Variants in SPAG17 observed in about 807,000 individuals in gnomAD.
The protein encoded by SPAG17 is sperm-associated antigen 17.
SPAG17 carries 169 observed loss-of-function variants against 273.6 expected under a neutral mutation model. The observed-to-expected ratio is 0.62, with a 90% CI of 0.55 to 0.70. The LOEUF is 0.70. Ranked by LOEUF, SPAG17 falls within the 30% of genes least tolerant of loss-of-function variation. The probability of loss-of-function intolerance (pLI) is 0.00; values close to 1 mark genes in which losing one functional copy is unlikely to be tolerated. For synonymous variants in SPAG17, 825 were observed against 873.2 expected, an observed-to-expected ratio of 0.94 and a Z score of 0.97; for missense variants, 2,557 against 2,627.8, an observed-to-expected ratio of 0.97 and a Z score of 0.59.
In SPAG17 at chr1:118,016,145, C is replaced by T. The variant is rs1659954065; in HGVS notation, c.4107G>A (p.Lys1369=). 1 of 1,613,904 alleles carries T rather than the reference C, an allele frequency of 6.2e-7. No individual in the cohort carries two copies. Among genetic ancestry groups the T allele is most frequent in the East Asian group, 2.2e-5 (1 of 44,874 alleles). Residue 1369 remains lysine (K), a synonymous_variant, in exon 29 of 49, where the codon AAG becomes AAA. Transcript: ENST00000336338. ...SHKSQSSMAH[K]GEIHDPPPEA... is the part of the protein sequence containing the mutation. ...CTGGAGGAGGGTCATGGATTTCACC[C>T]TTATGGGCCATTGATGACTGACTTT...
At chr1:117,996,247 A>G in intron 34 of SPAG17, 123 bp downstream of exon 34, 1 of 1,178,884 alleles carries the variant, frequency 8.5e-7, no homozygotes. Context: ...TCTACTTTCC[A>G]AAGTAGAGCA....
In SPAG17 at chr1:117,970,068, G is replaced by C. The variant is rs140016130; in HGVS notation, c.6375C>G (p.Tyr2125Ter). 1 of 1,613,576 alleles carries C rather than the reference G, an allele frequency of 6.2e-7. No individual in the cohort carries two copies. Among genetic ancestry groups the C allele is most frequent in the African/African-American group, 1.3e-5 (1 of 74,886 alleles). ...PPPSTGLKVT[Y>*]KPGPVAAGMQ... Reference sequence around the variant, plus strand: ...ATATAGGACTTACAGGTCCAGGTTTGTAAGTCACTTTCAGTCCTGTGCTGG... The same window carrying C: ...ATATAGGACTTACAGGTCCAGGTTTCTAAGTCACTTTCAGTCCTGTGCTGG... The change falls in exon 46 of 49, where the codon TAC (tyrosine) becomes TAG (stop). Residue 2125 changes from tyrosine (Y) to a stop codon, truncating the protein, a stop_gained. Coordinates refer to ENST00000336338, the MANE Select transcript of SPAG17 (RefSeq NM_206996.4). LOFTEE classifies it high-confidence loss of function.
Position 117,982,307 on chromosome 1 carries a change from T to C in SPAG17, c.5873-906A>G, listed in dbSNP as rs185955314. On this transcript the variant is annotated intron_variant, in intron 42 of 48. Transcript: ENST00000336338. ...CCCAGGCTGGAGTGCAGTGGCACGA[T>C]GTCAGCTCACTGCAAGCTCCACCTC... is the stretch of plus-strand genomic sequence containing the variant. Among the ~76,000 whole-genome samples, 537 of 150,492 alleles carry C rather than the reference T, an allele frequency of 3.6e-3. 3 individuals are homozygous for C. Among genetic ancestry groups the C allele is most frequent in the East Asian group, 0.022 (114 of 5,100 alleles).
At position 118,139,604 on chromosome 1, in the gene SPAG17, A is replaced by G. The variant is rs1658554488; in HGVS notation, c.315+10939T>C. 2.6e-5 allele frequency among the ~76,000 whole-genome samples: 4 copies of G among 152,224 alleles called. No homozygotes were observed. The South Asian group carries it at 6.2e-4, about 24-fold the overall frequency. The stretch of plus-strand genomic sequence containing the variant: ...ATGGATAGATAAAGAAATATGGTAT[A>G]TACATTAAATGGAATACTATTCAGC... On this transcript the variant is annotated intron_variant, in intron 3 of 48. Coordinates refer to ENST00000336338, the MANE Select transcript of SPAG17 (RefSeq NM_206996.4).
chr1:118,089,300 T>C (rs1362645842), intron 10 of SPAG17, among the ~76,000 whole-genome samples: 1 of 128,696 alleles, frequency 7.8e-6, no homozygotes, highest in Non-Finnish European at 1.6e-5. Context: ...AGCAACATAT[T>C]TGAGGAAAAA....
chr1:117,966,790 C>CT (rs754007877), intron 46 of SPAG17, 37 bp from the exon 47 acceptor site: 32 of 1,550,504 alleles, frequency 2.1e-5, no homozygotes, highest in Non-Finnish European at 2.4e-5. Context: ...CCAGACAACT[C>CT]TGAGTTCAAA....
intron 1 of SPAG17, 43 bp downstream of exon 1, chr1:118,185,028 G>A: frequency 1.3e-6 from 2 of 1,555,164 alleles, no homozygotes; most frequent in Non-Finnish European, 1.8e-6. Flanking sequence ...CGGGCCTCTG[G>A]CATTGCCGGG....
chr1:118,099,494 TTTAATAATG>T (rs1655921672), intron 6 of SPAG17, 103 bp downstream of exon 6: 3 of 1,072,658 alleles, frequency 2.8e-6, no homozygotes, highest in Admixed American at 4.4e-5. Context: ...CTTGAAAAGA[TTTAATAATG>T]TACTAATTGT....
intron 32 of SPAG17, among the ~76,000 whole-genome samples, chr1:118,004,899 T>C (rs574492873): frequency 7.3e-4 from 111 of 152,346 alleles, no homozygotes; most frequent in Non-Finnish European, 1.3e-3. Context: ...TCTGTGTCGA[T>C]CACACTGGGA....
At chr1:118,051,544 T>TAC (rs147508671) in intron 20 of SPAG17, among the ~76,000 whole-genome samples, 27 of 148,488 alleles carry the variant, frequency 1.8e-4, no homozygotes, top group Admixed American at 4.1e-4. Flanking sequence ...AAATTTGAGA[T>TAC]ACACACACAC....
At chr1:118,141,896 G>A (rs953920081) in intron 3 of SPAG17, among the ~76,000 whole-genome samples, 6 of 152,068 alleles carry the variant, frequency 3.9e-5, no homozygotes, top group African/African-American at 9.7e-5. Context: ...TCTCCATCAC[G>A]GCCATGAGGA....
Position 117,966,655 on chromosome 1 carries a change from G to A in SPAG17, c.6486C>T (p.Ile2162=), listed in dbSNP as rs3738422. ...AKGSAHISHN[I]EIMTEHEVLF... ...GAACCTCATGCTCTGTCATAATCTC[G>A]ATATTGTGAGAGATGTGTGCTGATC... Residue 2162 remains isoleucine, a synonymous_variant, in exon 47 of 49, where the codon ATC becomes ATT. Transcript: ENST00000336338. 0.014 allele frequency: 21,891 copies of A among 1,613,462 alleles called. 593 individuals are homozygous for A. The highest frequency in any genetic ancestry group is 0.091 in the South Asian group (8,299 of 90,878).
At chr1:118,080,975 A>T in intron 15 of SPAG17, 126 bp downstream of exon 15, 2 of 744,662 alleles carry the variant, frequency 2.7e-6, no homozygotes, top group Non-Finnish European at 4.4e-6. Flanking sequence ...ATACTCAGTA[A>T]GAAAGTTTAA....
At chr1:118,031,242 T>C (rs995252428) in intron 25 of SPAG17, among the ~76,000 whole-genome samples, 1 of 150,662 alleles carries the variant, frequency 6.6e-6, no homozygotes, top group Non-Finnish European at 1.5e-5. Flanking sequence ...GTTAGTCTTG[T>C]TAGATTCTTA....
At chr1:117,988,982 A>G (rs1439136076) in intron 38 of SPAG17, among the ~76,000 whole-genome samples, 1 of 152,208 alleles carries the variant, frequency 6.6e-6, no homozygotes, top group African/African-American at 2.4e-5. Flanking sequence ...GTTTAAAAAA[A>G]TACGTTAGTT....
Position 118,185,051 on chromosome 1 carries a change from T to G in SPAG17, c.87+20A>C, listed in dbSNP as rs1416374840. ...TGGCATTGCCGGGGGCAGGGAGGGCTTAAAGGGCTCAAGGCTCACCTGATT... is the reference window on the plus strand; with the variant it reads ...TGGCATTGCCGGGGGCAGGGAGGGCGTAAAGGGCTCAAGGCTCACCTGATT... On this transcript the variant is annotated intron_variant, in intron 1 of 48. Coordinates refer to ENST00000336338, the MANE Select transcript of SPAG17 (RefSeq NM_206996.4). 3.1e-6 allele frequency: 5 copies of G among 1,612,038 alleles called. No homozygotes were observed. Among genetic ancestry groups the G allele is most frequent in the Non-Finnish European group, 4.2e-6 (5 of 1,178,298 alleles).
chr1:118,184,197 A>G (rs983223024), intron 1 of SPAG17, among the ~76,000 whole-genome samples: 6 of 151,890 alleles, frequency 4.0e-5, no homozygotes, highest in African/African-American at 1.5e-4. Context: ...CCATACAGAC[A>G]TATATAAAAT....
intron 9 of SPAG17, 59 bp downstream of exon 9, chr1:118,091,871 T>C: frequency 6.5e-7 from 1 of 1,548,686 alleles, no homozygotes; most frequent in Non-Finnish European, 8.9e-7. Context: ...AGGGCAGTCA[T>C]TATCTCTTAA....
intron 6 of SPAG17, among the ~76,000 whole-genome samples, chr1:118,099,271 C>G (rs1051579121): frequency 1.3e-5 from 2 of 152,160 alleles, no homozygotes; most frequent in Non-Finnish European, 2.9e-5. Context: ...AGATTATTAA[C>G]AGTGATTCAT....
Sources: allele counts gnomAD v4.1 joint callset (sites outside exome capture counted in the v4.1 genomes callset), GRCh38; gene constraint gnomAD v4.1.1; transcripts MANE v1.5; gene names NCBI Gene and HGNC (gene_info 2026-07-23, HGNC 2026-07-21).